GHR: variants seen among roughly 807,000 people sequenced by gnomAD.
The protein encoded by GHR is GH receptor.
A neutral mutation model predicts 67.1 loss-of-function variants in GHR; 35 were observed. The ratio of observed to expected loss-of-function variants is 0.52; its 90% CI spans 0.40 to 0.69. GHR has a LOEUF of 0.69. GHR is among the 30% of genes least tolerant of loss of function. The probability of loss-of-function intolerance (pLI) is 0.00; values close to 1 mark genes in which losing one functional copy is unlikely to be tolerated. For missense variants in GHR, 792 were observed against 764.6 expected (o/e 1.04, Z -0.42); for synonymous variants, 272 against 269.1 (o/e 1.01, Z -0.10).
intron 3 of GHR, among the ~76,000 whole-genome samples, chr5:42,684,854 G>A (rs34742008): frequency 0.4 from 60,059 of 152,010 alleles, 12,526 homozygotes; most frequent in East Asian, 0.55. Flanking sequence ...AGGATTTTCT[G>A]AAGATTCACT....
intron 2 of GHR, among the ~76,000 whole-genome samples, chr5:42,577,279 A>AAG (rs1413202902): frequency 6.6e-6 from 1 of 152,236 alleles, no homozygotes; most frequent in Non-Finnish European, 1.5e-5. Context: ...ACCAGTGGAC[A>AAG]AGATGATTCC....
chr5:42,659,444 G>A (rs974041194), intron 3 of GHR: 4 of 152,118 alleles, frequency 2.6e-5, no homozygotes, highest in Admixed American at 2.0e-4. Context: ...CCCACTGAGG[G>A]GCCCTTGAGT....
chr5:42,483,968 T>C lies in GHR; in HGVS notation c.-12+60013T>C, dbSNP rs1360494740. Among the ~76,000 whole-genome samples the C allele has an allele frequency of 2.0e-5, 3 of 152,050 alleles. No homozygotes were observed. In the South Asian group the frequency reaches 6.2e-4, roughly 31 times the overall value. On this transcript the variant is annotated intron_variant, in intron 1 of 9. Coordinates refer to ENST00000230882, the MANE Select transcript of GHR (RefSeq NM_000163.5). ...CTTAGAACCAGCCTACTGTTGTCTC[T>C]GTGCAGAGAGAGTACTAAGTAGGTA...
At chr5:42,584,542 G>A (rs1247504415) in intron 2 of GHR, among the ~76,000 whole-genome samples, 1 of 152,188 alleles carries the variant, frequency 6.6e-6, no homozygotes, top group African/African-American at 2.4e-5. Context: ...TGTGTTTTGT[G>A]TATGTGTGTG....
intron 1 of GHR, chr5:42,514,107 A>G (rs1237899647): frequency 3.0e-6 from 3 of 984,884 alleles, no homozygotes; most frequent in Non-Finnish European, 3.6e-6. Context: ...TTTAACCAGA[A>G]CTGACCTTGA....
chr5:42,516,081 C>A (rs1490727611), intron 1 of GHR, among the ~76,000 whole-genome samples: 1 of 152,060 alleles, frequency 6.6e-6, no homozygotes, highest in East Asian at 1.9e-4. Context: ...TTTCTTAGTT[C>A]TTTGTAGTCT....
intron 3 of GHR, among the ~76,000 whole-genome samples, chr5:42,668,904 A>C (rs774524887): frequency 1.1e-4 from 16 of 152,316 alleles, no homozygotes; most frequent in Middle Eastern, 3.4e-3. Context: ...ATAAAGTTGA[A>C]AAATCCTAAG....
intron 1 of GHR, chr5:42,468,644 T>C: frequency 9.4e-7 from 1 of 1,059,718 alleles, no homozygotes; most frequent in Non-Finnish European, 1.5e-6. Flanking sequence ...GCTGTCTTTC[T>C]GGGACTCCTT....
intron 2 of GHR, among the ~76,000 whole-genome samples, chr5:42,621,997 T>C (rs1031889346): frequency 3.8e-4 from 58 of 152,182 alleles, no homozygotes; most frequent in African/African-American, 1.4e-3. Context: ...TGGATAGGAA[T>C]GTAATTAATT....
chr5:42,609,748 G>T (rs1455057455), intron 2 of GHR, among the ~76,000 whole-genome samples: 1 of 152,042 alleles, frequency 6.6e-6, no homozygotes, highest in Non-Finnish European at 1.5e-5. Flanking sequence ...TTGTGAACTG[G>T]GTCAATTTTT....
chr5:42,628,019 T>C (rs1425617239), intron 2 of GHR, among the ~76,000 whole-genome samples: 1 of 152,140 alleles, frequency 6.6e-6, no homozygotes, highest in African/African-American at 2.4e-5. Flanking sequence ...GAACTTCCTC[T>C]GAAGTCGGGC....
intron 3 of GHR, among the ~76,000 whole-genome samples, chr5:42,631,604 C>T (rs7732349): frequency 0.024 from 3,631 of 152,272 alleles, 133 homozygotes; most frequent in African/African-American, 0.08. Flanking sequence ...GAGTAAGATA[C>T]TGCCTTGACA....
rs184457737 is a variant in GHR, at chr5:42,577,497, T to C, written c.70+11553T>C. Among the ~76,000 whole-genome samples the C allele has an allele frequency of 2.2e-3, 329 of 152,354 alleles. 2 individuals are homozygous for C. The highest frequency in any genetic ancestry group is 7.6e-3 in the African/African-American group (314 of 41,578). ...TTCTGGCTACCCCTTTATAGTTGTG[T>C]ACATGACTGCAGAGCCATCATTTCA... On this transcript the variant is annotated intron_variant, in intron 2 of 9. Transcript: ENST00000230882.
chr5:42,655,557 T>C (rs1045390492), intron 3 of GHR, among the ~76,000 whole-genome samples: 1 of 152,174 alleles, frequency 6.6e-6, no homozygotes, highest in Non-Finnish European at 1.5e-5. Context: ...CTAAAATTTG[T>C]ATTCTACATC....
intron 1 of GHR, chr5:42,467,794 C>G: frequency 6.8e-7 from 1 of 1,476,538 alleles, no homozygotes; most frequent in Non-Finnish European, 9.4e-7. Context: ...CCCACACATG[C>G]TACAATGTAA....
At chr5:42,710,112 G>A (rs1191591372) in intron 6 of GHR, among the ~76,000 whole-genome samples, 1 of 151,544 alleles carries the variant, frequency 6.6e-6, no homozygotes, top group Non-Finnish European at 1.5e-5. Context: ...CTTAAAGAAA[G>A]CATTTTAGGC....
chr5:42,671,586 A>G (rs1327543027), intron 3 of GHR, among the ~76,000 whole-genome samples: 3 of 151,108 alleles, frequency 2.0e-5, no homozygotes, highest in Non-Finnish European at 4.4e-5. Flanking sequence ...CAAAAACCAC[A>G]TGATTTCAAT....
chr5:42,664,838 C>A (rs1440667604), intron 3 of GHR, among the ~76,000 whole-genome samples: 4 of 152,210 alleles, frequency 2.6e-5, no homozygotes, highest in South Asian at 2.1e-4. Flanking sequence ...TTTTCGCAAC[C>A]TACTCATCTG....
Position 42,688,966 on chromosome 5 carries a change from G to A in GHR, c.213G>A (p.Glu71=). The change falls in exon 4 of 10, where the codon GAG becomes GAA. Residue 71 remains glutamate (E), a synonymous_variant. Coordinates refer to ENST00000230882, the MANE Select transcript of GHR (RefSeq NM_000163.5). Reference sequence around the variant, plus strand: ...CTTTTTCATGCCACTGGACAGATGAGGTTCATCATGGTACAAAGAACCTAG... The same window carrying A: ...CTTTTTCATGCCACTGGACAGATGAAGTTCATCATGGTACAAAGAACCTAG... ...RETFSCHWTD[E]VHHGTKNLGP... 2 of 1,613,122 alleles carry A rather than the reference G, an allele frequency of 1.2e-6. No individual in the cohort carries two copies. The highest frequency in any genetic ancestry group is 2.2e-5 in the South Asian group (2 of 91,052).
Sources: gnomAD v4.1 joint callset for allele counts (sites outside exome capture counted in the v4.1 genomes callset) on GRCh38, gnomAD v4.1.1 for gene constraint, MANE v1.5 for transcripts, NCBI Gene and HGNC (gene_info 2026-07-23, HGNC 2026-07-21) for gene names.